Variants in PHACTR2 observed in about 807,000 individuals in gnomAD.
The protein encoded by PHACTR2 is chromosome 6 open reading frame 56.
In PHACTR2, 30 loss-of-function variants were observed where a neutral mutation model predicts 76.0. The ratio of observed to expected loss-of-function variants is 0.39; its 90% CI spans 0.30 to 0.54. The LOEUF is 0.54. PHACTR2 is among the 20% of genes least tolerant of loss of function. The pLI, the probability that PHACTR2 is intolerant of heterozygous loss-of-function variation, is 0.61. For missense variants in PHACTR2, 696 were observed against 781.1 expected, an observed-to-expected ratio of 0.89 and a Z score of 1.30; for synonymous variants, 292 against 292.5, an observed-to-expected ratio of 1.00 and a Z score of 0.02.
rs1391099981 is a variant in PHACTR2, at chr6:143,739,021, AG to A, written c.215-9963del. Among the ~76,000 whole-genome samples the A allele has an allele frequency of 1.3e-5, 2 of 152,154 alleles. No individual in the cohort carries two copies. The highest frequency in any genetic ancestry group is 4.8e-5 in the African/African-American group (2 of 41,444). On this transcript the variant is annotated intron_variant, in intron 2 of 12. Transcript: ENST00000440869. The surrounding 1 kb of genome is among the most constrained non-coding windows in gnomAD (Gnocchi z 4.3). ...TTGTTTATGATCTCTTAGTTTGAAA[AG>A]CTTCATTACCATTTACAGCTGAGAT...
rs67570708 is a variant in PHACTR2, at chr6:143,570,207, G to GTTC, written c.217+33001_217+33002insTCT. Among the ~76,000 whole-genome samples, 1 of 151,018 alleles carries GTTC rather than the reference G, an allele frequency of 6.6e-6. No individual in the cohort carries two copies. Among genetic ancestry groups the GTTC allele is most frequent in the African/African-American group, 2.4e-5 (1 of 41,010 alleles). On this transcript the variant is annotated intron_variant, in intron 1 of 11. Coordinates refer to the PHACTR2 transcript ENST00000367584. This position sits in a 1 kb window ranked among gnomAD's most constrained non-coding sequence, Gnocchi z 4.6. ...ATCATAACATTTAAGAATTTAAAAT[G>GTTC]TGTGCATGACATTTTTAGAAATAAT...
chr6:143,704,897 C>T (rs138399808), intron 1 of PHACTR2, among the ~76,000 whole-genome samples: 138 of 145,046 alleles, frequency 9.5e-4, no homozygotes, highest in Admixed American at 2.9e-3. Context: ...GGCGCGATCT[C>T]GGCTCACTGC....
rs1046090704 is a variant in PHACTR2 at position 143,633,122 on chromosome 6, C to T, written c.13+24800C>T. ...ATCTTTCAGCCGATTTGGTTAAATA[C>T]CAAGGCGTGCAATTGCTGAATCATA... On this transcript the variant is annotated intron_variant, in intron 1 of 11. Coordinates refer to the PHACTR2 transcript ENST00000305766. The surrounding 1 kb of genome is among the most constrained non-coding windows in gnomAD (Gnocchi z 4.1). Among the ~76,000 whole-genome samples, 1 of 152,152 alleles carries T rather than the reference C, an allele frequency of 6.6e-6. No homozygotes were observed. Among genetic ancestry groups the T allele is most frequent in the African/African-American group, 2.4e-5 (1 of 41,432 alleles).
intron 1 of PHACTR2, among the ~76,000 whole-genome samples, chr6:143,551,692 C>T (rs1200842329): frequency 2.0e-5 from 3 of 151,886 alleles, no homozygotes; most frequent in Non-Finnish European, 2.9e-5. Flanking sequence ...ATCAGAGTGT[C>T]GGTGGCGGCA....
chr6:143,635,211 T>C (rs185191489), intron 1 of PHACTR2, among the ~76,000 whole-genome samples: 171 of 152,324 alleles, frequency 1.1e-3, no homozygotes, highest in African/African-American at 4.0e-3. Flanking sequence ...ACAGTATCCA[T>C]TGGATATCTA....
In PHACTR2 at chr6:143,539,119, G is replaced by C. The variant is rs1781149170; in HGVS notation, c.217+1912G>C. The stretch of plus-strand genomic sequence containing the variant: ...AATTATGGCCTGTATGCCGAAAAAG[G>C]ACAGCAAAGACATTTAAAATGTGAG... On this transcript the variant is annotated intron_variant, in intron 1 of 11. Coordinates refer to the PHACTR2 transcript ENST00000367584. The surrounding 1 kb of genome is among the most constrained non-coding windows in gnomAD (Gnocchi z 4.3). Among the ~76,000 whole-genome samples the C allele has an allele frequency of 6.6e-6, 1 of 152,194 alleles. No individual in the cohort carries two copies. Among genetic ancestry groups the C allele is most frequent in the African/African-American group, 2.4e-5 (1 of 41,442 alleles).
At chr6:143,620,151 C>A (rs1776127330) in intron 1 of PHACTR2, among the ~76,000 whole-genome samples, 2 of 152,160 alleles carry the variant, frequency 1.3e-5, no homozygotes, top group African/African-American at 4.8e-5. Context: ...TCGTGGAAAA[C>A]CAGGAGCTCT....
Position 143,761,529 on chromosome 6 carries a change from C to T in PHACTR2, c.694+889C>T, listed in dbSNP as rs1040479633. Among the ~76,000 whole-genome samples, 12 of 152,012 alleles carry T rather than the reference C, an allele frequency of 7.9e-5. No homozygotes were observed. The highest frequency in any genetic ancestry group is 2.7e-4 in the African/African-American group (11 of 41,396). On this transcript the variant is annotated intron_variant, in intron 5 of 12. Coordinates refer to ENST00000440869, the MANE Select transcript of PHACTR2 (RefSeq NM_001100164.2). This position sits in a 1 kb window ranked among gnomAD's most constrained non-coding sequence, Gnocchi z 5.2. ...AGCACTTTGGGAGGCTGATGCGGAT[C>T]GATCACTTGAGGTCAGGAGTTCGAG...
At position 143,541,143 on chromosome 6, in the gene PHACTR2, A is replaced by T. The variant is rs1781167973; in HGVS notation, c.217+3936A>T. ...TGTAAATAAAGTGATGTTTAACTCA[A>T]TTTTTAAAGTAAAATCTTGAAACAA... On this transcript the variant is annotated intron_variant, in intron 1 of 11. Transcript: ENST00000367584. This position sits in a 1 kb window ranked among gnomAD's most constrained non-coding sequence, Gnocchi z 5.3. Among the ~76,000 whole-genome samples the T allele has an allele frequency of 6.6e-6, 1 of 152,230 alleles. No individual in the cohort carries two copies. The highest frequency in any genetic ancestry group is 2.1e-4 in the South Asian group (1 of 4,836).
At chr6:143,670,324 G>C (rs1010284112) in intron 1 of PHACTR2, among the ~76,000 whole-genome samples, 6 of 151,996 alleles carry the variant, frequency 3.9e-5, no homozygotes, top group African/African-American at 1.4e-4. Flanking sequence ...TGTGTCTTGG[G>C]GTTGCTCTTC....
In PHACTR2 at chr6:143,829,931, A is replaced by G. The variant is rs533000210; in HGVS notation, c.*6242A>G. 5 of 152,268 alleles carry G rather than the reference A, an allele frequency of 3.3e-5. No homozygotes were observed. The highest frequency in any genetic ancestry group is 4.1e-4 in the South Asian group (2 of 4,824). 9.4% of individuals were successfully genotyped at this position (152,268 alleles called of 1,614,324 possible). A position where few individuals can be genotyped will look rare whatever the true frequency, so the allele number is the denominator to read the frequency against. On this transcript the variant is annotated 3_prime_UTR_variant, in exon 13 of 13. Coordinates refer to ENST00000440869, the MANE Select transcript of PHACTR2 (RefSeq NM_001100164.2). Reference sequence around the variant, plus strand: ...AGAATGCCACTCTACCCTCAGGTCAATTTTATGGTATATGAAAATGCCAGT... The same window carrying G: ...AGAATGCCACTCTACCCTCAGGTCAGTTTTATGGTATATGAAAATGCCAGT...
In PHACTR2 at chr6:143,767,879, C is replaced by G. The variant is rs1294227545; in HGVS notation, c.1232+2081C>G. Among the ~76,000 whole-genome samples the G allele has an allele frequency of 2.0e-5, 3 of 152,152 alleles. No homozygotes were observed. Among genetic ancestry groups the G allele is most frequent in the Non-Finnish European group, 4.4e-5 (3 of 68,024 alleles). ...TTGAGACAGAATCTTGCACTGTCAC[C>G]CAGGCTGGAGTACAGTGGCATGATC... On this transcript the variant is annotated intron_variant, in intron 6 of 12. Coordinates refer to ENST00000440869, the MANE Select transcript of PHACTR2 (RefSeq NM_001100164.2). The surrounding 1 kb of genome is among the most constrained non-coding windows in gnomAD (Gnocchi z 4.4).
At position 143,761,957 on chromosome 6, in the gene PHACTR2, A is replaced by G. The variant is rs1779452960; in HGVS notation, c.694+1317A>G. ...CTGTGCTCCTCATGTCCCGCCTTTG[A>G]CCTTTAGTGTCTGGGTCTCTTCTAA... On this transcript the variant is annotated intron_variant, in intron 5 of 12. Coordinates refer to ENST00000440869, the MANE Select transcript of PHACTR2 (RefSeq NM_001100164.2). The surrounding 1 kb of genome is among the most constrained non-coding windows in gnomAD (Gnocchi z 5.2). Among the ~76,000 whole-genome samples, 1 of 151,996 alleles carries G rather than the reference A, an allele frequency of 6.6e-6. No individual in the cohort carries two copies. Among genetic ancestry groups the G allele is most frequent in the South Asian group, 2.1e-4 (1 of 4,816 alleles).
chr6:143,747,347 A>T (rs928109435), intron 2 of PHACTR2, among the ~76,000 whole-genome samples: 1 of 152,242 alleles, frequency 6.6e-6, no homozygotes, highest in African/African-American at 2.4e-5. Flanking sequence ...GCAATTAGCA[A>T]ACACTTAAGG....
intron 1 of PHACTR2, among the ~76,000 whole-genome samples, chr6:143,542,674 G>A (rs1781181840): frequency 1.3e-5 from 2 of 152,178 alleles, no homozygotes; most frequent in South Asian, 4.1e-4. Context: ...CTACCTGACA[G>A]CAATCTTCCT....
intron 12 of PHACTR2, among the ~76,000 whole-genome samples, chr6:143,814,862 A>C (rs1022623188): frequency 5.9e-5 from 9 of 152,250 alleles, no homozygotes; most frequent in Non-Finnish European, 8.8e-5. Flanking sequence ...TCGGCCTCCC[A>C]AAGTGCTGGG....
intron 2 of PHACTR2, among the ~76,000 whole-genome samples, chr6:143,724,478 G>A (rs1383280640): frequency 3.3e-5 from 5 of 152,040 alleles, no homozygotes; most frequent in African/African-American, 7.2e-5. Flanking sequence ...TTCCAGACTA[G>A]AGCAAAGGAT....
At position 143,591,862 on chromosome 6, in the gene PHACTR2, C is replaced by A. The variant is rs1775695709; in HGVS notation, c.217+54655C>A. 6.6e-6 allele frequency among the ~76,000 whole-genome samples: 1 copy of A among 152,228 alleles called. No individual in the cohort carries two copies. The highest frequency in any genetic ancestry group is 1.5e-5 in the Non-Finnish European group (1 of 68,036). ...TTACTTTGGGCCCTAGAATTCCTGGCTCAAACAGGGAATTTGTCCACTTCC... is the reference window on the plus strand; with the variant it reads ...TTACTTTGGGCCCTAGAATTCCTGGATCAAACAGGGAATTTGTCCACTTCC... On this transcript the variant is annotated intron_variant, in intron 1 of 11. Transcript: ENST00000367584. The surrounding 1 kb of genome is among the most constrained non-coding windows in gnomAD (Gnocchi z 6.4).
At chr6:143,728,742 A>T (rs115975130) in intron 2 of PHACTR2, among the ~76,000 whole-genome samples, 2,232 of 152,248 alleles carry the variant, frequency 0.015, 72 homozygotes, top group African/African-American at 0.051. Context: ...GGGAAAGAAC[A>T]TCCTCTTCAA....
Sources: allele counts gnomAD v4.1 joint callset (sites outside exome capture counted in the v4.1 genomes callset), GRCh38; gene constraint gnomAD v4.1.1; non-coding constraint Gnocchi (gnomAD v3.1); transcripts MANE v1.5; gene names NCBI Gene and HGNC (gene_info 2026-07-23, HGNC 2026-07-21).